DPP9: variants seen among roughly 807,000 people sequenced by gnomAD.
The protein encoded by DPP9 is dipeptidyl peptidase 9, also known as dipeptidyl peptidase IV-related protein-2.
Under a neutral mutation model 110.7 loss-of-function variants are expected in DPP9, and 50 were observed. The ratio of observed to expected loss-of-function variants is 0.45; its 90% CI spans 0.36 to 0.57. The LOEUF (loss-of-function observed/expected upper bound fraction) is 0.57, where lower values mean the gene tolerates loss of function less well. Among genes scored for constraint, DPP9 ranks in the 20% least tolerant of loss-of-function variants. The pLI, the probability that DPP9 is intolerant of heterozygous loss-of-function variation, is 0.00. For missense variants in DPP9, 1,022 were observed against 1,217.9 expected (o/e 0.84, Z 2.39); for synonymous variants, 561 against 514.4 (o/e 1.09, Z -1.23).
chr19:4,705,835 C>T, intron 5 of DPP9, 23 bp downstream of exon 5: 5 of 1,611,890 alleles, frequency 3.1e-6, no homozygotes, highest in African/African-American at 1.3e-5. Context: ...ACGGTAGGGC[C>T]CACGCCTAAT....
chr19:4,676,727 T>C lies in DPP9; in HGVS notation c.2587-71A>G. The C allele has an allele frequency of 1.5e-6, 2 of 1,349,738 alleles. No individual in the cohort carries two copies. The highest frequency in any genetic ancestry group is 1.2e-5 in the South Asian group (1 of 80,234). 83.6% of individuals were successfully genotyped at this position (1,349,738 alleles called of 1,614,324 possible). On this transcript the variant is annotated intron_variant, in intron 21 of 21. Coordinates refer to ENST00000262960, the MANE Select transcript of DPP9 (RefSeq NM_139159.5). This position sits in a 1 kb window ranked among gnomAD's most constrained non-coding sequence, Gnocchi z 4.0. ...CCCCGTGTCCTAGGCTCCTCCCTTA[T>C]TCTGGCTCAGGGCATCCGGGAAGGC...
rs1209347603 is a variant in DPP9 at position 4,694,519 on chromosome 19, A to T, written c.1516+142T>A. 3.7e-6 allele frequency: 4 copies of T among 1,068,864 alleles called. No individual in the cohort carries two copies. Among genetic ancestry groups the T allele is most frequent in the Non-Finnish European group, 4.0e-6 (3 of 749,126 alleles). 66.2% of individuals were successfully genotyped at this position (1,068,864 alleles called of 1,614,324 possible). A position where few individuals can be genotyped will look rare whatever the true frequency, so the allele number is the denominator to read the frequency against. ...CTGCCAGATCATGCAGTCACTGGGG[A>T]AGGCTGGCTTCCTGCCGATCCCTGT... is the stretch of plus-strand genomic sequence containing the variant. On this transcript the variant is annotated intron_variant, in intron 13 of 21. Transcript: ENST00000262960. The surrounding 1 kb of genome is among the most constrained non-coding windows in gnomAD (Gnocchi z 4.0).
intron 21 of DPP9, among the ~76,000 whole-genome samples, chr19:4,677,275 G>T (rs2088978024): frequency 6.6e-6 from 1 of 152,130 alleles, no homozygotes; most frequent in Non-Finnish European, 1.5e-5. Context: ...GGCCACGAAG[G>T]AGGGCTCTCG....
In DPP9 at chr19:4,682,454, C is replaced by T. The variant is rs1342414367; in HGVS notation, c.2474+242G>A. Reference sequence around the variant, plus strand: ...GGGCAGGGCTGTGAGCCTCCTTCCCCAGACAAGCATCCCTGGGTGCCCCTT... The same window carrying T: ...GGGCAGGGCTGTGAGCCTCCTTCCCTAGACAAGCATCCCTGGGTGCCCCTT... On this transcript the variant is annotated intron_variant, in intron 20 of 21. Transcript: ENST00000262960. This position sits in a 1 kb window ranked among gnomAD's most constrained non-coding sequence, Gnocchi z 7.1. 6.6e-6 allele frequency among the ~76,000 whole-genome samples: 1 copy of T among 151,984 alleles called. No homozygotes were observed. Among genetic ancestry groups the T allele is most frequent in the Non-Finnish European group, 1.5e-5 (1 of 67,978 alleles).
rs1416124055 is a variant in DPP9 at position 4,689,765 on chromosome 19, C to T, written c.1597-43G>A. On this transcript the variant is annotated intron_variant, in intron 14 of 21. Transcript: ENST00000262960. The surrounding 1 kb of genome is among the most constrained non-coding windows in gnomAD (Gnocchi z 7.0). ...ATCCTCGTGATGCGTCCCAGATGCC[C>T]CTGGGCCCACACCCCTCTCCACGCC... 3.3e-6 allele frequency: 5 copies of T among 1,519,918 alleles called. No individual in the cohort carries two copies. The African/African-American group carries it at 4.2e-5, about 13-fold the overall frequency. The allele number at this position is 1,519,918 out of a possible 1,614,324, so 94.2% of individuals were successfully genotyped here.
At chr19:4,683,149 C>T (rs975812904) in intron 19 of DPP9, 39 of 1,447,304 alleles carry the variant, frequency 2.7e-5, no homozygotes, top group Admixed American at 9.1e-5. Context: ...TGACTGCCGC[C>T]GGCCTGGGGC....
rs769403373 is a variant in DPP9 at position 4,698,223 on chromosome 19, G to C, written c.1075-572C>G. Among the ~76,000 whole-genome samples, 2 of 152,226 alleles carry C rather than the reference G, an allele frequency of 1.3e-5. No individual in the cohort carries two copies. The highest frequency in any genetic ancestry group is 2.4e-5 in the African/African-American group (1 of 41,456). On this transcript the variant is annotated intron_variant, in intron 10 of 21. Transcript: ENST00000262960. This position sits in a 1 kb window ranked among gnomAD's most constrained non-coding sequence, Gnocchi z 4.2. ...CCCAGGGCTTCCCCATGCTTAAACA[G>C]GGCTGGCACGGCGTTTCCAGGGTAT...
chr19:4,708,754 T>C lies in DPP9; in HGVS notation c.314-2784A>G, dbSNP rs574582422. Among the ~76,000 whole-genome samples, 8 of 152,144 alleles carry C rather than the reference T, an allele frequency of 5.3e-5. No homozygotes were observed. The South Asian group carries it at 6.2e-4, about 12-fold the overall frequency. On this transcript the variant is annotated intron_variant, in intron 4 of 21. Coordinates refer to ENST00000262960, the MANE Select transcript of DPP9 (RefSeq NM_139159.5). ...TAAATGATGAGAACACATGGACACA[T>C]AGAGCAGAACAGACACTGGGGCCTA...
chr19:4,699,927 G>A (rs996381823), intron 10 of DPP9, among the ~76,000 whole-genome samples: 3 of 152,206 alleles, frequency 2.0e-5, no homozygotes, highest in African/African-American at 4.8e-5. Context: ...CACCTGCCGC[G>A]CCTGTCCTCG....
At chr19:4,722,288 G>C (rs762736673) in intron 2 of DPP9, 1 of 560,092 alleles carries the variant, frequency 1.8e-6, no homozygotes, top group African/African-American at 1.9e-5. Flanking sequence ...CCTTCAAAAA[G>C]CTCCTTCCAG....
In DPP9 at chr19:4,700,458, G is replaced by A. The variant is rs953383249; in HGVS notation, c.1013-181C>T. ...TAGGCACATCGTCCTGCTGGAACAG[G>A]CATGACACCCTCAGGTGGGGACCTT... On this transcript the variant is annotated intron_variant, in intron 9 of 21. Transcript: ENST00000262960. This position sits in a 1 kb window ranked among gnomAD's most constrained non-coding sequence, Gnocchi z 4.3. Among the ~76,000 whole-genome samples, 8 of 152,228 alleles carry A rather than the reference G, an allele frequency of 5.3e-5. No homozygotes were observed. The highest frequency in any genetic ancestry group is 1.7e-4 in the African/African-American group (7 of 41,460).
chr19:4,702,089 A>G lies in DPP9; in HGVS notation c.950T>C (p.Ile317Thr). 6.2e-7 allele frequency: 1 copy of G among 1,613,950 alleles called. No individual in the cohort carries two copies. The highest frequency in any genetic ancestry group is 8.5e-7 in the Non-Finnish European group (1 of 1,179,846). The change falls in exon 9 of 22, where the codon ATT becomes ACT. Residue 317 changes from isoleucine (I) to threonine (T), a missense_variant. Physicochemically the swap from Ile to Thr is moderately conservative, Grantham distance 89 (BLOSUM62 -1). Transcript: ENST00000262960. ...EEVDESEVEV[I>T]HVPSPALEER... ...TTCTAGCGCAGGAGAGGGGACGTGA[A>G]TGACCTCCACCTCGGACTCATCGAC...
chr19:4,699,920 C>T (rs1156702243), intron 10 of DPP9, among the ~76,000 whole-genome samples: 1 of 152,240 alleles, frequency 6.6e-6, no homozygotes, highest in East Asian at 1.9e-4. Flanking sequence ...CTGGGAGCAC[C>T]TGCCGCGCCT....
chr19:4,702,809 AGAGAGAAG>A, intron 7 of DPP9, 93 bp from the exon 8 acceptor site: 1 of 275,664 alleles, frequency 3.6e-6, no homozygotes, highest in African/African-American at 2.9e-5. Context: ...AGAGAGAGGG[AGAGAGAAG>A]GAGGGAAGGA....
chr19:4,714,320 T>C lies in DPP9; in HGVS notation c.74A>G (p.Glu25Gly). 1 of 1,506,826 alleles carries C rather than the reference T, an allele frequency of 6.6e-7. No individual in the cohort carries two copies. Among genetic ancestry groups the C allele is most frequent in the Non-Finnish European group, 8.9e-7 (1 of 1,129,820 alleles). 93.3% of individuals were successfully genotyped at this position (1,506,826 alleles called of 1,614,324 possible). A position where few individuals can be genotyped will look rare whatever the true frequency, so the allele number is the denominator to read the frequency against. ...GGTGGTGGCCATCCTCTCAGCCCCC[T>C]CGGAATTCAGCGAGAAGCTGCGGGG... ...GSWRSFSLNS[E>G]GAERMATTGT... The change falls in exon 4 of 22, where the codon GAG (glutamate) becomes GGG (glycine). Residue 25 changes from glutamate (E) to glycine (G), a missense_variant. Physicochemically the swap from Glu to Gly is moderately conservative, Grantham distance 98. Coordinates refer to ENST00000262960, the MANE Select transcript of DPP9 (RefSeq NM_139159.5).
At chr19:4,717,686 G>A (rs2093141246) in intron 3 of DPP9, 1 of 152,210 alleles carries the variant, frequency 6.6e-6, no homozygotes, top group African/African-American at 2.4e-5. Flanking sequence ...GAAACATCGC[G>A]AGAAACTTCC....
rs2091980937 is a variant in DPP9 at position 4,698,499 on chromosome 19, C to T, written c.1075-848G>A. Among the ~76,000 whole-genome samples, 2 of 152,152 alleles carry T rather than the reference C, an allele frequency of 1.3e-5. No homozygotes were observed. Among genetic ancestry groups the T allele is most frequent in the Non-Finnish European group, 2.9e-5 (2 of 68,030 alleles). On this transcript the variant is annotated intron_variant, in intron 10 of 21. Coordinates refer to ENST00000262960, the MANE Select transcript of DPP9 (RefSeq NM_139159.5). The surrounding 1 kb of genome is among the most constrained non-coding windows in gnomAD (Gnocchi z 4.2). ...AGGTGCGGTGGCTCACACCTGTAAT[C>T]CCAGCACCTTGAGAGGCTGAGGCAG...
chr19:4,714,096 G>A lies in DPP9; in HGVS notation c.298C>T (p.Arg100Cys), dbSNP rs761219608. ...KTDESGPHSH[R>C]LYYLGMPYGS... is the part of the protein sequence containing the mutation. ...CCCGGCTTACCCAGGTAGTAGAGGC[G>A]GTGGGAGTGGGGCCCAGACTCATCC... The change falls in exon 4 of 22, where the codon CGC (arginine) becomes TGC (cysteine). Residue 100 changes from arginine to cysteine, a missense_variant. This residue lies in a region of DPP9 where 810 missense variants were observed against 920.6 expected (regional missense o/e 0.88). Transcript: ENST00000262960. 4.3e-6 allele frequency: 7 copies of A among 1,611,422 alleles called. No individual in the cohort carries two copies. Among genetic ancestry groups the A allele is most frequent in the African/African-American group, 1.3e-5 (1 of 75,014 alleles).
chr19:4,683,926 T>C, intron 18 of DPP9: 1 of 1,008,904 alleles, frequency 9.9e-7, no homozygotes, highest in Non-Finnish European at 1.4e-6. Flanking sequence ...AGAGGACCCA[T>C]TTTCTAGAGG....
Sources: gnomAD v4.1 joint callset for allele counts (sites outside exome capture counted in the v4.1 genomes callset) on GRCh38, gnomAD v4.1.1 for gene constraint, gnomAD v4.1.1 regional missense constraint, Gnocchi (gnomAD v3.1) non-coding constraint, MANE v1.5 for transcripts, NCBI Gene and HGNC (gene_info 2026-07-23, HGNC 2026-07-21) for gene names.